MCTP1: variants seen among roughly 807,000 people sequenced by gnomAD.
MCTP1 encodes multiple C2 and transmembrane domain-containing protein 1.
MCTP1 carries 69 observed loss-of-function variants against 120.6 expected under a neutral mutation model. The ratio of observed to expected loss-of-function variants is 0.57; its 90% CI spans 0.47 to 0.70. The LOEUF is 0.70. Ranked by LOEUF, MCTP1 falls within the 30% of genes least tolerant of loss-of-function variation. The pLI is 0.00. For synonymous variants in MCTP1, 529 were observed against 493.1 expected (o/e 1.07, Z -0.96); for missense variants, 1,203 against 1,248.8 (o/e 0.96, Z 0.55).
chr5:94,926,715 A>G (rs1813220814), intron 6 of MCTP1, among the ~76,000 whole-genome samples: 1 of 152,230 alleles, frequency 6.6e-6, no homozygotes, highest in South Asian at 2.1e-4. Context: ...TTAAAAGGCC[A>G]TGTAATCGCA....
intron 6 of MCTP1, among the ~76,000 whole-genome samples, chr5:94,927,513 C>T (rs1306724741): frequency 6.6e-6 from 1 of 152,058 alleles, no homozygotes; most frequent in Non-Finnish European, 1.5e-5. Context: ...TTTGGTCACT[C>T]ATAGTTGAGA....
In MCTP1 at chr5:94,840,395, A is replaced by G. The variant is rs537992397; in HGVS notation, c.2436+27938T>C. 2.0e-5 allele frequency among the ~76,000 whole-genome samples: 3 copies of G among 152,290 alleles called. No homozygotes were observed. In the East Asian group the frequency reaches 5.8e-4, roughly 29 times the overall value. ...CTCTCTTTTCTCATTCCTTAGTTGCAATAGTAGGGGCCTGGGAAGATGGGT... is the reference window on the plus strand; with the variant it reads ...CTCTCTTTTCTCATTCCTTAGTTGCGATAGTAGGGGCCTGGGAAGATGGGT... On this transcript the variant is annotated intron_variant, in intron 17 of 22. Coordinates refer to ENST00000515393, the MANE Select transcript of MCTP1 (RefSeq NM_024717.7).
chr5:95,213,685 A>G (rs1752678104), intron 1 of MCTP1, among the ~76,000 whole-genome samples: 1 of 151,586 alleles, frequency 6.6e-6, no homozygotes, highest in Non-Finnish European at 1.5e-5. Context: ...AATGGAACAG[A>G]ACAGAGCCCT....
intron 19 of MCTP1, among the ~76,000 whole-genome samples, chr5:94,724,375 A>G (rs1413925888): frequency 1.3e-5 from 2 of 150,584 alleles, no homozygotes; most frequent in East Asian, 3.9e-4. Context: ...CCTCTTGAGT[A>G]GCGGGGACCA....
chr5:95,108,424 G>A (rs1413640352), intron 1 of MCTP1, among the ~76,000 whole-genome samples: 1 of 152,152 alleles, frequency 6.6e-6, no homozygotes, highest in Non-Finnish European at 1.5e-5. Flanking sequence ...ACAGCAAGAT[G>A]TTAGTGATTA....
intron 2 of MCTP1, among the ~76,000 whole-genome samples, chr5:95,007,688 T>C (rs975106645): frequency 2.0e-5 from 3 of 152,208 alleles, no homozygotes; most frequent in African/African-American, 7.2e-5. Flanking sequence ...CTGCCTTATA[T>C]CTGGTAGAAG....
intron 1 of MCTP1, among the ~76,000 whole-genome samples, chr5:95,192,456 C>T (rs1749928969): frequency 6.6e-6 from 1 of 151,940 alleles, no homozygotes; most frequent in South Asian, 2.1e-4. Context: ...GTTTTATTTT[C>T]TGTGCCAACT....
intron 9 of MCTP1, 26 bp from the exon 10 acceptor site, chr5:94,909,407 T>C (rs116250510): frequency 6.4e-7 from 1 of 1,568,054 alleles, no homozygotes; most frequent in South Asian, 1.2e-5. Flanking sequence ...ATAATTGTCA[T>C]ATTGCTAGCA....
intron 10 of MCTP1, among the ~76,000 whole-genome samples, chr5:94,898,313 G>A (rs1804631860): frequency 6.6e-6 from 1 of 152,234 alleles, no homozygotes; most frequent in East Asian, 1.9e-4. Context: ...CTACTCGAGA[G>A]TAAGATGCCA....
intron 6 of MCTP1, among the ~76,000 whole-genome samples, chr5:94,930,025 T>C (rs1033019221): frequency 2.0e-5 from 3 of 152,046 alleles, no homozygotes; most frequent in Non-Finnish European, 2.9e-5. Context: ...CTGTTAGACA[T>C]AGGAATTCTG....
chr5:94,868,931 T>C (rs1797330815), intron 16 of MCTP1, among the ~76,000 whole-genome samples: 1 of 151,970 alleles, frequency 6.6e-6, no homozygotes, highest in Non-Finnish European at 1.5e-5. Context: ...TTTAGTAGAA[T>C]TCCTCCCATT....
At chr5:95,254,298 G>C (rs1757664028) in intron 1 of MCTP1, among the ~76,000 whole-genome samples, 1 of 152,124 alleles carries the variant, frequency 6.6e-6, no homozygotes, top group African/African-American at 2.4e-5. Context: ...GGTTCTAAGG[G>C]TTTTACATGC....
chr5:95,223,699 TG>T (rs1357187840), intron 1 of MCTP1, among the ~76,000 whole-genome samples: 2 of 152,078 alleles, frequency 1.3e-5, no homozygotes, highest in African/African-American at 4.8e-5. Flanking sequence ...AATCTAAATT[TG>T]GAAAAAAATA....
intron 1 of MCTP1, among the ~76,000 whole-genome samples, chr5:95,040,777 A>G (rs2151892918): frequency 6.6e-6 from 1 of 152,244 alleles, no homozygotes; most frequent in Non-Finnish European, 1.5e-5. Flanking sequence ...TGGGTATGTG[A>G]CCTAAGCTCT....
chr5:95,047,040 T>G (rs565430261), intron 1 of MCTP1, among the ~76,000 whole-genome samples: 1 of 152,318 alleles, frequency 6.6e-6, no homozygotes, highest in South Asian at 2.1e-4. Flanking sequence ...GAACAATGTC[T>G]GACATGGTGA....
chr5:94,738,059 T>C (rs1427417694), intron 19 of MCTP1, among the ~76,000 whole-genome samples: 3 of 152,248 alleles, frequency 2.0e-5, no homozygotes, highest in African/African-American at 4.8e-5. Context: ...TAATGCGTGC[T>C]CACCACCTAG....
At chr5:94,781,014 G>T (rs897221250) in intron 18 of MCTP1, among the ~76,000 whole-genome samples, 1 of 152,134 alleles carries the variant, frequency 6.6e-6, no homozygotes, top group African/African-American at 2.4e-5. Context: ...AGATGGAAAA[G>T]AAGCTGCATT....
chr5:95,128,807 C>T (rs1287540293), intron 1 of MCTP1, among the ~76,000 whole-genome samples: 1 of 152,200 alleles, frequency 6.6e-6, no homozygotes, highest in Non-Finnish European at 1.5e-5. Context: ...GAATTACATA[C>T]TTCCAACAAA....
At chr5:95,140,206 A>G (rs1759791310) in intron 1 of MCTP1, among the ~76,000 whole-genome samples, 1 of 152,212 alleles carries the variant, frequency 6.6e-6, no homozygotes, top group Non-Finnish European at 1.5e-5. Flanking sequence ...TATATTTGCA[A>G]AAATGTGTTT....
Sources: allele counts gnomAD v4.1 joint callset (sites outside exome capture counted in the v4.1 genomes callset), GRCh38; gene constraint gnomAD v4.1.1; transcripts MANE v1.5; gene names NCBI Gene and HGNC (gene_info 2026-07-23, HGNC 2026-07-21).